Variants in FGF7 observed in about 807,000 individuals in gnomAD.
The protein encoded by FGF7 is FGF-7.
Under a neutral mutation model 20.5 loss-of-function variants are expected in FGF7, and 6 were observed. The ratio of observed to expected loss-of-function variants is 0.29; its 90% CI spans 0.16 to 0.58. The LOEUF is 0.58. FGF7 is among the 20% of genes least tolerant of loss of function. The pLI is 0.90. For missense variants in FGF7, 144 were observed against 228.8 expected, an observed-to-expected ratio of 0.63 and a Z score of 2.39; for synonymous variants, 64 against 74.7, an observed-to-expected ratio of 0.86 and a Z score of 0.74.
intron 2 of FGF7, among the ~76,000 whole-genome samples, chr15:49,463,775 T>C (rs1296391658): frequency 2.0e-5 from 3 of 152,148 alleles, no homozygotes; most frequent in Non-Finnish European, 4.4e-5. Flanking sequence ...AAAGTACTTA[T>C]AATGTTTATG....
intron 2 of FGF7, among the ~76,000 whole-genome samples, chr15:49,436,946 C>G (rs188459687): frequency 7.3e-4 from 111 of 151,718 alleles, no homozygotes; most frequent in Non-Finnish European, 1.2e-3. Flanking sequence ...TAAAAACTTA[C>G]TCCAAGTTTC....
At chr15:49,436,086 G>C (rs1486299513) in intron 2 of FGF7, among the ~76,000 whole-genome samples, 1 of 151,384 alleles carries the variant, frequency 6.6e-6, no homozygotes, top group East Asian at 1.9e-4. Context: ...TCAGGAAACT[G>C]GCCAGCTTAA....
intron 2 of FGF7, among the ~76,000 whole-genome samples, chr15:49,443,080 A>G (rs1001871707): frequency 1.1e-4 from 16 of 151,756 alleles, no homozygotes; most frequent in African/African-American, 3.9e-4. Context: ...GGGATTAGTT[A>G]TAAGTAGGGT....
chr15:49,480,265 G>A (rs989285943), intron 2 of FGF7, among the ~76,000 whole-genome samples: 3 of 152,040 alleles, frequency 2.0e-5, no homozygotes, highest in African/African-American at 7.2e-5. Context: ...ACCCTAATAT[G>A]TGGAGGGATA....
intron 2 of FGF7, among the ~76,000 whole-genome samples, chr15:49,430,855 A>C (rs2050548803): frequency 1.3e-5 from 2 of 151,944 alleles, no homozygotes; most frequent in South Asian, 4.1e-4. Flanking sequence ...ATTAAATTTC[A>C]ACATGAGTTT....
intron 2 of FGF7, among the ~76,000 whole-genome samples, chr15:49,470,974 C>A (rs552897877): frequency 2.8e-4 from 42 of 152,276 alleles, no homozygotes; most frequent in African/African-American, 1.0e-3. Context: ...GTGTTTGTTC[C>A]ACATCTTGTG....
chr15:49,431,608 G>A lies in FGF7; in HGVS notation c.286+7025G>A, dbSNP rs1298885242. On this transcript the variant is annotated intron_variant, in intron 2 of 3. Coordinates refer to ENST00000267843, the MANE Select transcript of FGF7 (RefSeq NM_002009.4). ...TTGCTTAACTTCCCTCCAGAAGAAAGTAATCTCTTCTACTGGAGTGGTCAT... is the reference window on the plus strand; with the variant it reads ...TTGCTTAACTTCCCTCCAGAAGAAAATAATCTCTTCTACTGGAGTGGTCAT... Among the ~76,000 whole-genome samples the A allele has an allele frequency of 4.6e-5, 7 of 151,672 alleles. No homozygotes were observed. The East Asian group carries it at 1.4e-3, about 29-fold the overall frequency.
At chr15:49,466,747 G>C (rs914111416) in intron 2 of FGF7, among the ~76,000 whole-genome samples, 2 of 152,066 alleles carry the variant, frequency 1.3e-5, no homozygotes, top group Admixed American at 1.3e-4. Context: ...ATATAGAGAG[G>C]AAACATAATT....
chr15:49,436,825 C>T (rs2051150348), intron 2 of FGF7, among the ~76,000 whole-genome samples: 1 of 151,518 alleles, frequency 6.6e-6, no homozygotes, highest in Non-Finnish European at 1.5e-5. Flanking sequence ...TCGCATATTA[C>T]TTTGTATCAA....
intron 2 of FGF7, chr15:49,434,750 C>A (rs1475871416): frequency 6.6e-6 from 1 of 151,324 alleles, no homozygotes; most frequent in Non-Finnish European, 1.5e-5. Flanking sequence ...ACATAACTAC[C>A]AGCAACTTAA....
rs1438122171 is a variant in FGF7 at position 49,488,512 on chromosome 15, C to A, written c.*4008C>A. Reference sequence around the variant, plus strand: ...TTCTCAAACTACACTTCTCAAGGAACCAGATATTTACTCTCATCTGGGAAG... The same window carrying A: ...TTCTCAAACTACACTTCTCAAGGAAACAGATATTTACTCTCATCTGGGAAG... On this transcript the variant is annotated 3_prime_UTR_variant, in exon 4 of 4. Transcript: ENST00000267843. 1 of 152,060 alleles carries A rather than the reference C, an allele frequency of 6.6e-6. No individual in the cohort carries two copies. Among genetic ancestry groups the A allele is most frequent in the African/African-American group, 2.4e-5 (1 of 41,528 alleles). The allele number at this position is 152,060 out of a possible 1,614,324, so 9.4% of individuals were successfully genotyped here. A position where few individuals can be genotyped will look rare whatever the true frequency, so the allele number is the denominator to read the frequency against.
chr15:49,454,784 T>G (rs1399344927), intron 2 of FGF7, among the ~76,000 whole-genome samples: 1 of 152,088 alleles, frequency 6.6e-6, no homozygotes, highest in Non-Finnish European at 1.5e-5. Flanking sequence ...TAAATTTTTG[T>G]ATTTTTAGTA....
chr15:49,477,963 C>A (rs577497516), intron 2 of FGF7, among the ~76,000 whole-genome samples: 1 of 152,200 alleles, frequency 6.6e-6, no homozygotes, highest in South Asian at 2.1e-4. Flanking sequence ...GGTACATGTG[C>A]AGGTCTGTTA....
At position 49,424,251 on chromosome 15, in the gene FGF7, T is replaced by C. The variant is rs2049933431; in HGVS notation, c.-47T>C. 6.5e-7 allele frequency: 1 copy of C among 1,536,916 alleles called. No homozygotes were observed. The highest frequency in any genetic ancestry group is 8.9e-7 in the Non-Finnish European group (1 of 1,119,904). Reference sequence around the variant, plus strand: ...CCTAGGAGTAACAATCAACTCAAGATTCATTTTCATTATGTTATTCATGAA... The same window carrying C: ...CCTAGGAGTAACAATCAACTCAAGACTCATTTTCATTATGTTATTCATGAA... On this transcript the variant is annotated 5_prime_UTR_variant, in exon 2 of 4. Coordinates refer to ENST00000267843, the MANE Select transcript of FGF7 (RefSeq NM_002009.4).
At chr15:49,478,080 C>T (rs916412561) in intron 2 of FGF7, among the ~76,000 whole-genome samples, 3 of 152,120 alleles carry the variant, frequency 2.0e-5, no homozygotes, top group Non-Finnish European at 2.9e-5. Flanking sequence ...ATCTACTCCC[C>T]GCCAGTAGTC....
chr15:49,463,017 A>G (rs1311266260), intron 2 of FGF7, among the ~76,000 whole-genome samples: 1 of 152,202 alleles, frequency 6.6e-6, no homozygotes, highest in Non-Finnish European at 1.5e-5. Flanking sequence ...TGTGTCTTAA[A>G]TCACTCAAAA....
chr15:49,440,805 T>C (rs570065462), intron 2 of FGF7, among the ~76,000 whole-genome samples: 35 of 151,850 alleles, frequency 2.3e-4, no homozygotes, highest in African/African-American at 8.0e-4. Flanking sequence ...AAGCCAATGC[T>C]CTTTCCACCC....
Position 49,424,581 on chromosome 15 carries a change from A to C in FGF7, c.284A>C (p.Tyr95Ser), listed in dbSNP as rs762092181. ...GGGACCCAAGAGATGAAGAATAATT[A>C]CAGTAAGTAATTTTAAGTACTGCTC... is the stretch of plus-strand genomic sequence containing the variant. ...VKGTQEMKNN[Y>S]NIMEIRTVAV... is the part of the protein sequence containing the mutation. Residue 95 changes from tyrosine to serine, a missense_variant and splice_region_variant, in exon 2 of 4, where the codon TAC becomes TCC. Tyr to Ser is a moderately radical substitution (Grantham distance 144). Transcript: ENST00000267843. 1 of 1,565,406 alleles carries C rather than the reference A, an allele frequency of 6.4e-7. No homozygotes were observed. The highest frequency in any genetic ancestry group is 1.2e-5 in the South Asian group (1 of 83,438).
chr15:49,444,932 T>C (rs2052044448), intron 2 of FGF7, among the ~76,000 whole-genome samples: 1 of 151,666 alleles, frequency 6.6e-6, no homozygotes, highest in South Asian at 2.1e-4. Flanking sequence ...GCTTTGTGTG[T>C]AAACTTAAAT....
Sources: gnomAD v4.1 joint callset for allele counts (sites outside exome capture counted in the v4.1 genomes callset) on GRCh38, gnomAD v4.1.1 for gene constraint, MANE v1.5 for transcripts, NCBI Gene and HGNC (gene_info 2026-07-23, HGNC 2026-07-21) for gene names.